The following HLF variants were observed in gnomAD, a reference collection of about 807,000 sequenced individuals.
HLF encodes HLF transcription factor, PAR bZIP family member.
Under a neutral mutation model 22.6 loss-of-function variants are expected in HLF, and 3 were observed. The observed-to-expected ratio is 0.13, with a 90% confidence interval of 0.06 to 0.34. HLF has a LOEUF of 0.34. HLF is among the 10% of genes least tolerant of loss of function. HLF has a pLI of 1.00. For missense variants in HLF, 299 were observed against 389.2 expected, an observed-to-expected ratio of 0.77 and a Z score of 1.95; for synonymous variants, 151 against 151.8, an observed-to-expected ratio of 0.99 and a Z score of 0.04.
intron 2 of HLF, 69 bp from the exon 3 acceptor site, chr17:55,315,158 C>T: frequency 8.8e-7 from 1 of 1,140,528 alleles, no homozygotes; most frequent in Non-Finnish European, 1.3e-6. Context: ...CATCTCAGAG[C>T]ACCATTAAGT....
chr17:55,324,399 A>G lies in HLF; in HGVS notation c.*3520A>G, dbSNP rs575306008. 1 of 231,230 alleles carries G rather than the reference A, an allele frequency of 4.3e-6. No individual in the cohort carries two copies. Among genetic ancestry groups the G allele is most frequent in the Admixed American group, 5.6e-5 (1 of 17,734 alleles). 14.3% of individuals were successfully genotyped at this position (231,230 alleles called of 1,614,324 possible). A position where few individuals can be genotyped will look rare whatever the true frequency, so the allele number is the denominator to read the frequency against. ...CCCACTGCCCCCAGTGTAAAACAAT[A>G]GACATTCTGTGAAATGCAAAGCTAT... On this transcript the variant is annotated 3_prime_UTR_variant, in exon 4 of 4. Transcript: ENST00000226067.
At chr17:55,301,950 G>T (rs567261152) in intron 2 of HLF, among the ~76,000 whole-genome samples, 3 of 152,364 alleles carry the variant, frequency 2.0e-5, no homozygotes, top group African/African-American at 7.2e-5. Context: ...AGGAGCCTTT[G>T]CTATCATCCC....
intron 1 of HLF, chr17:55,266,357 T>C (rs2080789740): frequency 6.6e-6 from 1 of 152,156 alleles, no homozygotes; most frequent in Non-Finnish European, 1.5e-5. Flanking sequence ...GCCTTAGCAG[T>C]AGAGGAGGGG....
intron 1 of HLF, among the ~76,000 whole-genome samples, chr17:55,267,086 C>T (rs2080799317): frequency 6.6e-6 from 1 of 152,228 alleles, no homozygotes; most frequent in Non-Finnish European, 1.5e-5. Context: ...AGAAAGTTCT[C>T]ATTCTCTGCC....
Position 55,321,003 on chromosome 17 carries a change from C to A in HLF, c.*124C>A. 1.4e-6 allele frequency: 1 copy of A among 727,522 alleles called. No homozygotes were observed. Among genetic ancestry groups the A allele is most frequent in the Non-Finnish European group, 2.3e-6 (1 of 429,752 alleles). The allele number at this position is 727,522 out of a possible 1,614,324, so 45.1% of individuals were successfully genotyped here. ...CCAGAGGCATAAACACAACTGACTC[C>A]CATTTTGGTGTGCATCTGTGTGTGT... On this transcript the variant is annotated 3_prime_UTR_variant, in exon 4 of 4. Coordinates refer to ENST00000226067, the MANE Select transcript of HLF (RefSeq NM_002126.5).
intron 3 of HLF, among the ~76,000 whole-genome samples, chr17:55,317,724 C>A (rs953697122): frequency 1.2e-4 from 19 of 152,236 alleles, no homozygotes; most frequent in African/African-American, 4.1e-4. Flanking sequence ...GTGTTTCTGG[C>A]CCCCAGCATT....
rs551426207 is a variant in HLF at position 55,270,888 on chromosome 17, C to T, written c.451+2802C>T. The stretch of plus-strand genomic sequence containing the variant: ...CGATCGCCTGACCTCGTGATCCGCC[C>T]GCCTCGGCCTCCCAAAGTGCTGGAA... On this transcript the variant is annotated intron_variant, in intron 2 of 3. Coordinates refer to ENST00000226067, the MANE Select transcript of HLF (RefSeq NM_002126.5). Among the ~76,000 whole-genome samples, 272 of 152,134 alleles carry T rather than the reference C, an allele frequency of 1.8e-3. 2 individuals are homozygous for T. Among genetic ancestry groups the T allele is most frequent in the African/African-American group, 6.3e-3 (260 of 41,532 alleles).
At position 55,323,136 on chromosome 17, in the gene HLF, C is replaced by T. The variant is rs1418302571; in HGVS notation, c.*2257C>T. On this transcript the variant is annotated 3_prime_UTR_variant, in exon 4 of 4. Coordinates refer to ENST00000226067, the MANE Select transcript of HLF (RefSeq NM_002126.5). ...TTTCTACAAGGTGTTCATTTTGTCACAAGCTGTAGATAACAGCAAGAGATG... is the reference window on the plus strand; with the variant it reads ...TTTCTACAAGGTGTTCATTTTGTCATAAGCTGTAGATAACAGCAAGAGATG... 4.6e-6 allele frequency: 1 copy of T among 217,208 alleles called. No homozygotes were observed. The highest frequency in any genetic ancestry group is 5.8e-5 in the Admixed American group (1 of 17,232). The allele number at this position is 217,208 out of a possible 1,614,324, so 13.5% of individuals were successfully genotyped here.
intron 2 of HLF, among the ~76,000 whole-genome samples, chr17:55,314,432 A>G (rs1041976747): frequency 1.3e-5 from 2 of 152,180 alleles, no homozygotes; most frequent in African/African-American, 4.8e-5. Flanking sequence ...GGCTCATGCA[A>G]TCCGTTCATC....
At chr17:55,310,142 T>C (rs1252051144) in intron 2 of HLF, among the ~76,000 whole-genome samples, 1 of 152,242 alleles carries the variant, frequency 6.6e-6, no homozygotes, top group Admixed American at 6.5e-5. Context: ...CAGATTTCTT[T>C]AAGCCCTTTG....
intron 2 of HLF, among the ~76,000 whole-genome samples, chr17:55,311,734 G>A (rs747805288): frequency 1.2e-4 from 19 of 152,186 alleles, no homozygotes; most frequent in East Asian, 3.9e-4. Flanking sequence ...AATATACTAC[G>A]TGATGCTGAG....
chr17:55,315,647 C>T (rs904192638), intron 3 of HLF, among the ~76,000 whole-genome samples, 200 bp downstream of exon 3: 2 of 152,110 alleles, frequency 1.3e-5, no homozygotes, highest in African/African-American at 4.8e-5. Flanking sequence ...TGTCTTGATG[C>T]TGAACAGAAA....
rs1465701172 is a variant in HLF, at chr17:55,322,517, T to C, written c.*1638T>C. The C allele has an allele frequency of 2.3e-5, 5 of 213,006 alleles. No individual in the cohort carries two copies. The highest frequency in any genetic ancestry group is 4.8e-5 in the Non-Finnish European group (5 of 105,044). The allele number at this position is 213,006 out of a possible 1,614,324, so 13.2% of individuals were successfully genotyped here. A position where few individuals can be genotyped will look rare whatever the true frequency, so the allele number is the denominator to read the frequency against. On this transcript the variant is annotated 3_prime_UTR_variant, in exon 4 of 4. Coordinates refer to ENST00000226067, the MANE Select transcript of HLF (RefSeq NM_002126.5). ...TCTTTAATATTTTAAGCCCTATCAC[T>C]GACACATCAGCATGTTTTCTGCTTT... is the stretch of plus-strand genomic sequence containing the variant.
Position 55,321,634 on chromosome 17 carries a change from G to A in HLF, c.*755G>A. The A allele has an allele frequency of 4.4e-6, 1 of 228,558 alleles. No individual in the cohort carries two copies. Among genetic ancestry groups the A allele is most frequent in the African/African-American group, 2.2e-5 (1 of 45,172 alleles). The allele number at this position is 228,558 out of a possible 1,614,324, so 14.2% of individuals were successfully genotyped here. A position where few individuals can be genotyped will look rare whatever the true frequency, so the allele number is the denominator to read the frequency against. ...ATCCTATTGTACGCTAGAGCATGCT[G>A]CCTGAGTATTACTAGTGGACGTAGG... On this transcript the variant is annotated 3_prime_UTR_variant, in exon 4 of 4. Transcript: ENST00000226067.
At chr17:55,268,174 C>A (rs1158662148) in intron 2 of HLF, 88 bp downstream of exon 2, 4 of 979,820 alleles carry the variant, frequency 4.1e-6, no homozygotes, top group Non-Finnish European at 6.1e-6. Context: ...CATCTTAACA[C>A]TCAGGTTTTA....
chr17:55,316,974 T>TG (rs200935263), intron 3 of HLF, among the ~76,000 whole-genome samples: 14,711 of 146,344 alleles, frequency 0.1, 1,483 homozygotes, highest in East Asian at 0.5. Flanking sequence ...TGTTTTTTTT[T>TG]TTTTTTTTTT....
intron 2 of HLF, among the ~76,000 whole-genome samples, chr17:55,289,849 T>C (rs2081042639): frequency 6.6e-6 from 1 of 152,196 alleles, no homozygotes; most frequent in Admixed American, 6.5e-5. Flanking sequence ...TTCTCAGCTC[T>C]TAATCCTTCC....
At chr17:55,271,867 GC>G (rs1404806108) in intron 2 of HLF, 1 of 152,102 alleles carries the variant, frequency 6.6e-6, no homozygotes, top group East Asian at 1.9e-4. Context: ...TACCATGACT[GC>G]CCCAACCCCT....
At chr17:55,314,337 A>G (rs1904978037) in intron 2 of HLF, among the ~76,000 whole-genome samples, 1 of 151,818 alleles carries the variant, frequency 6.6e-6, no homozygotes, top group African/African-American at 2.4e-5. Flanking sequence ...TCTTGAACTA[A>G]TCTCCTTCTC....
Sources: allele counts gnomAD v4.1 joint callset (sites outside exome capture counted in the v4.1 genomes callset), GRCh38; gene constraint gnomAD v4.1.1; transcripts MANE v1.5; gene names NCBI Gene and HGNC (gene_info 2026-07-23, HGNC 2026-07-21).